The following MMAA variants were observed in gnomAD, a reference collection of about 807,000 sequenced individuals.
MMAA encodes the protein methylmalonic aciduria type A protein, mitochondrial.
In MMAA, 41 loss-of-function variants were observed where a neutral mutation model predicts 45.0. The observed-to-expected ratio is 0.91, with a 90% CI of 0.71 to 1.18. The LOEUF is 1.18. Among genes scored for constraint, MMAA ranks in the 50% most tolerant of loss-of-function variants. The pLI, the probability that MMAA is intolerant of heterozygous loss-of-function variation, is 0.00. For synonymous variants in MMAA, 154 were observed against 178.2 expected (o/e 0.86, Z 1.08); for missense variants, 460 against 495.7 (o/e 0.93, Z 0.68).
At chr4:145,650,981 T>C in intron 4 of MMAA, 81 bp from the exon 5 acceptor site, 1 of 1,214,438 alleles carries the variant, frequency 8.2e-7, no homozygotes, top group South Asian at 1.2e-5. Flanking sequence ...GTAAATGAAG[T>C]AGAATGGAAA....
chr4:145,624,969 G>T (rs1424975237), intron 1 of MMAA: 1 of 1,079,748 alleles, frequency 9.3e-7, no homozygotes, highest in African/African-American at 1.6e-5. Flanking sequence ...TGGTTTCCCT[G>T]ACAGTTGGTA....
chr4:145,631,018 G>C (rs950289943), intron 1 of MMAA, among the ~76,000 whole-genome samples: 1 of 152,124 alleles, frequency 6.6e-6, no homozygotes, highest in Non-Finnish European at 1.5e-5. Context: ...GAAGATGTTT[G>C]ATCTTATTTC....
In MMAA at chr4:145,654,019, T is replaced by C. The variant is rs1481221921; in HGVS notation, c.845T>C (p.Met282Thr). 6 of 1,614,096 alleles carry C rather than the reference T, an allele frequency of 3.7e-6. No individual in the cohort carries two copies. The highest frequency in any genetic ancestry group is 1.6e-4 in the Middle Eastern group (1 of 6,080). The change falls in exon 6 of 7, where the codon ATG (methionine) becomes ACG (threonine). Residue 282 changes from methionine to threonine, a missense_variant. Transcript: ENST00000649156. ...GGTATCAAAAGGGGTATAATCGAGA[T>C]GGCAGATCTGGTAGCTGTAACTAAA... The part of the protein sequence containing the change: ...LQGIKRGIIE[M>T]ADLVAVTKSD...
intron 1 of MMAA, chr4:145,624,363 C>G: frequency 1.3e-6 from 1 of 782,016 alleles, no homozygotes; most frequent in South Asian, 1.4e-5. Flanking sequence ...GCTGAGGTTG[C>G]CCATCTTCTT....
At chr4:145,625,965 C>T (rs1378355988) in intron 1 of MMAA, 15 of 1,562,756 alleles carry the variant, frequency 9.6e-6, no homozygotes, top group African/African-American at 6.8e-5. Context: ...CAAGTCCCTC[C>T]GTGCATCACT....
rs541068721 is a variant in MMAA at position 145,621,536 on chromosome 4, C to T, written c.-66+2129C>T. ...GTTGCTTATTTAAGAAGTCATCCTG[C>T]TCTACAAAAGTTTCCTGAAATTATT... On this transcript the variant is annotated intron_variant, in intron 1 of 6. Coordinates refer to ENST00000649156, the MANE Select transcript of MMAA (RefSeq NM_172250.3). Among the ~76,000 whole-genome samples, 3 of 152,266 alleles carry T rather than the reference C, an allele frequency of 2.0e-5. No homozygotes were observed. In the East Asian group the frequency reaches 5.8e-4, roughly 29 times the overall value.
intron 3 of MMAA, among the ~76,000 whole-genome samples, chr4:145,643,681 A>G (rs1008895139): frequency 1.3e-5 from 2 of 152,210 alleles, no homozygotes; most frequent in African/African-American, 2.4e-5. Context: ...ATCCATGTCA[A>G]TATGTTGTCT....
rs1019336290 is a variant in MMAA, at chr4:145,658,772, C to T, written c.*3338C>T. The stretch of plus-strand genomic sequence containing the variant: ...CAGGTAGACTGCCATCATAGAAGTC[C>T]TAATGCTACTGCTAAAAACTAGTAA... On this transcript the variant is annotated 3_prime_UTR_variant, in exon 7 of 7. Transcript: ENST00000649156. The T allele has an allele frequency of 6.6e-6, 1 of 151,718 alleles. No individual in the cohort carries two copies. The allele number at this position is 151,718 out of a possible 1,614,324, so 9.4% of individuals were successfully genotyped here.
chr4:145,624,434 T>A, intron 1 of MMAA: 1 of 804,852 alleles, frequency 1.2e-6, no homozygotes, highest in Non-Finnish European at 2.1e-6. Flanking sequence ...TGGGGCTTTT[T>A]AGCTTTTGTT....
rs1728189053 is a variant in MMAA at position 145,655,143 on chromosome 4, A to T, written c.970-4A>T. On this transcript the variant is annotated splice_polypyrimidine_tract_variant and splice_region_variant and intron_variant, in intron 6 of 6. Transcript: ENST00000649156. ...AAATGGTCTGGTTCTTCCCTTTTCG[A>T]TAGGTAATTCGTATTTCTGCCCGAA... 1 of 1,613,870 alleles carries T rather than the reference A, an allele frequency of 6.2e-7. No homozygotes were observed. The highest frequency in any genetic ancestry group is 8.5e-7 in the Non-Finnish European group (1 of 1,179,926).
intron 1 of MMAA, among the ~76,000 whole-genome samples, chr4:145,635,020 G>A (rs780680610): frequency 1.3e-5 from 2 of 151,986 alleles, no homozygotes; most frequent in African/African-American, 2.4e-5. Flanking sequence ...CCTGGGATTA[G>A]GGAAGGAGTG....
chr4:145,650,824 A>C (rs1728067751), intron 4 of MMAA: 3 of 542,678 alleles, frequency 5.5e-6, no homozygotes, highest in Non-Finnish European at 9.9e-6. Flanking sequence ...GGAAGCCTTT[A>C]GGTTCTCCAT....
intron 3 of MMAA, among the ~76,000 whole-genome samples, chr4:145,643,531 G>A (rs898546119): frequency 4.6e-5 from 7 of 152,236 alleles, no homozygotes; most frequent in South Asian, 2.1e-4. Flanking sequence ...TAATATAGAC[G>A]TGGACAATTC....
intron 1 of MMAA, chr4:145,624,721 T>C: frequency 6.4e-7 from 1 of 1,571,990 alleles, no homozygotes; most frequent in South Asian, 1.1e-5. Context: ...TTTCCTTCTT[T>C]GTTCAGAAGC....
Position 145,658,602 on chromosome 4 carries a change from A to C in MMAA, c.*3168A>C, listed in dbSNP as rs939011340. The C allele has an allele frequency of 2.0e-5, 3 of 152,010 alleles. No homozygotes were observed. The highest frequency in any genetic ancestry group is 7.3e-5 in the African/African-American group (3 of 41,370). 9.4% of individuals were successfully genotyped at this position (152,010 alleles called of 1,614,324 possible). ...ACTCGATCATATGGCCATTTCCCTAAGCTTTTATAGCTATTGCCCAGTGTA... is the reference window on the plus strand; with the variant it reads ...ACTCGATCATATGGCCATTTCCCTACGCTTTTATAGCTATTGCCCAGTGTA... On this transcript the variant is annotated 3_prime_UTR_variant, in exon 7 of 7. Transcript: ENST00000649156.
At chr4:145,655,051 G>T in intron 6 of MMAA, 96 bp from the exon 7 acceptor site, 1 of 1,342,168 alleles carries the variant, frequency 7.5e-7, no homozygotes, top group South Asian at 1.3e-5. Context: ...GCCTATTTTT[G>T]TAGACCGTAA....
At chr4:145,645,521 A>G (rs200043633) in intron 3 of MMAA, among the ~76,000 whole-genome samples, 20 of 152,338 alleles carry the variant, frequency 1.3e-4, no homozygotes, top group Admixed American at 4.6e-4. Context: ...TCAAAATTGA[A>G]TAGTGTGAAA....
chr4:145,625,369 G>A, intron 1 of MMAA: 1 of 701,730 alleles, frequency 1.4e-6, no homozygotes, highest in Non-Finnish European at 2.7e-6. Flanking sequence ...AGTCCTGGGG[G>A]TTGGTGCTGG....
intron 4 of MMAA, chr4:145,646,376 T>A: frequency 1.9e-6 from 1 of 527,330 alleles, no homozygotes; most frequent in Non-Finnish European, 3.4e-6. Context: ...TCTGGATAAC[T>A]GTTATACAGG....
Sources: allele counts gnomAD v4.1 joint callset (sites outside exome capture counted in the v4.1 genomes callset), GRCh38; gene constraint gnomAD v4.1.1; transcripts MANE v1.5; gene names NCBI Gene and HGNC (gene_info 2026-07-23, HGNC 2026-07-21).